Variants in MAEL observed in about 807,000 individuals in gnomAD.
The protein encoded by MAEL is protein maelstrom homolog.
A neutral mutation model predicts 62.0 loss-of-function variants in MAEL; 46 were observed. The observed-to-expected ratio is 0.74, with a 90% CI of 0.59 to 0.95. The LOEUF (loss-of-function observed/expected upper bound fraction) is 0.95. Among genes scored for constraint, MAEL ranks in the 40% least tolerant of loss-of-function variants. The pLI is 0.00. For missense variants in MAEL, 497 were observed against 526.8 expected (o/e 0.94, Z 0.55); for synonymous variants, 172 against 175.5 (o/e 0.98, Z 0.16).
chr1:167,005,231 G>A, intron 7 of MAEL, 25 bp from the exon 8 acceptor site: 1 of 1,611,794 alleles, frequency 6.2e-7, no homozygotes, highest in African/African-American at 1.3e-5. Context: ...CTAATTGTAT[G>A]TGTTTTTCCA....
At chr1:166,987,947 C>G (rs1250689113), upstream of MAEL, among the ~76,000 whole-genome samples, 1 of 152,060 alleles carries the variant, frequency 6.6e-6, no homozygotes, top group African/African-American at 2.4e-5. Flanking sequence ...TCAAGGAAGC[C>G]AAAATTCTAT....
At chr1:167,005,523 C>G in intron 8 of MAEL, 126 bp downstream of exon 8, 1 of 796,754 alleles carries the variant, frequency 1.3e-6, no homozygotes, top group Non-Finnish European at 1.9e-6. Context: ...TTGTATTTCC[C>G]TGAATATAAA....
chr1:167,007,277 G>C (rs1004276224), intron 8 of MAEL, among the ~76,000 whole-genome samples: 2 of 151,878 alleles, frequency 1.3e-5, no homozygotes, highest in Non-Finnish European at 2.9e-5. Context: ...ATGGCCAGTG[G>C]GAGTACCTTC....
intron 8 of MAEL, among the ~76,000 whole-genome samples, chr1:167,009,264 G>A (rs145594787): frequency 1.3e-5 from 2 of 152,270 alleles, no homozygotes; most frequent in Non-Finnish European, 2.9e-5. Flanking sequence ...AGGGGCTCAT[G>A]GAAGAGTATT....
At chr1:167,001,404 C>G (rs1200443268) in intron 5 of MAEL, among the ~76,000 whole-genome samples, 1 of 152,120 alleles carries the variant, frequency 6.6e-6, no homozygotes, top group East Asian at 1.9e-4. Flanking sequence ...CCCCAAAAAC[C>G]TACGGAAATA....
chr1:166,976,005 C>T (rs1663567458), intron 1 of MAEL, among the ~76,000 whole-genome samples: 1 of 152,198 alleles, frequency 6.6e-6, no homozygotes, highest in Admixed American at 6.5e-5. Context: ...CCCGCCCCTC[C>T]GTCTGGTTTC....
intron 8 of MAEL, chr1:167,005,665 T>A (rs1664863277): frequency 4.0e-6 from 1 of 247,892 alleles, no homozygotes; most frequent in South Asian, 1.4e-4. Context: ...TTAGACAGAT[T>A]TTTATTACAT....
intron 6 of MAEL, 21 bp downstream of exon 6, chr1:167,004,325 TC>T (rs1424393184): frequency 6.4e-7 from 1 of 1,567,354 alleles, no homozygotes; most frequent in Non-Finnish European, 8.6e-7. Context: ...GTTAAGAAGT[TC>T]TTTTAAGGTA....
At chr1:166,982,164 T>C (rs1257066521) in intron 1 of MAEL, among the ~76,000 whole-genome samples, 2 of 152,218 alleles carry the variant, frequency 1.3e-5, no homozygotes, top group African/African-American at 2.4e-5. Context: ...ACTAAAGATC[T>C]GAGAGCACAT....
chr1:167,005,004 T>C, intron 6 of MAEL, 72 bp from the exon 7 acceptor site: 8 of 1,449,064 alleles, frequency 5.5e-6, no homozygotes, highest in Non-Finnish European at 7.6e-6. Flanking sequence ...AGGACAGCAT[T>C]AGAAGTCATT....
intron 8 of MAEL, among the ~76,000 whole-genome samples, chr1:167,014,250 G>T (rs189470999): frequency 1.8e-4 from 28 of 152,324 alleles, no homozygotes; most frequent in Admixed American, 1.6e-3. Context: ...ATTTGTGCAG[G>T]TGTTTAATTC....
intron 1 of MAEL, among the ~76,000 whole-genome samples, chr1:166,980,015 GTCTT>G (rs534651134): frequency 1.8e-4 from 27 of 151,998 alleles, no homozygotes; most frequent in Admixed American, 3.9e-4. Context: ...CTTTATAATT[GTCTT>G]TCTTTCTTTC....
chr1:167,011,133 A>G (rs1054993761), intron 8 of MAEL, among the ~76,000 whole-genome samples: 3 of 151,974 alleles, frequency 2.0e-5, no homozygotes, highest in Admixed American at 6.6e-5. Context: ...GGGCTTCCTC[A>G]TTGTAAGAAT....
intron 5 of MAEL, among the ~76,000 whole-genome samples, chr1:166,998,284 G>A (rs190358195): frequency 3.3e-5 from 5 of 151,978 alleles, no homozygotes; most frequent in Admixed American, 1.3e-4. Context: ...TTTTAGATCC[G>A]TAATATCTTT....
upstream of MAEL, among the ~76,000 whole-genome samples, chr1:166,988,322 C>G (rs1663990652): frequency 6.8e-6 from 1 of 146,612 alleles, no homozygotes; most frequent in African/African-American, 2.5e-5. Flanking sequence ...TGCACTCCAG[C>G]CTGGGTGACA....
intron 8 of MAEL, 96 bp downstream of exon 8, chr1:167,005,493 C>G: frequency 9.8e-7 from 1 of 1,015,340 alleles, no homozygotes; most frequent in South Asian, 1.8e-5. Flanking sequence ...GCAATATTTT[C>G]CCATGAAAGC....
chr1:167,017,802 A>G (rs1224647457), intron 9 of MAEL, 25 bp from the exon 10 acceptor site: 5 of 1,582,926 alleles, frequency 3.2e-6, no homozygotes, highest in South Asian at 1.2e-5. Context: ...AGATTCTGAT[A>G]GTGAGATTTT....
Position 166,989,477 on chromosome 1 carries a change from A to G in MAEL, c.125A>G (p.Asp42Gly), listed in dbSNP as rs1409726013. 6.3e-7 allele frequency: 1 copy of G among 1,584,376 alleles called. No homozygotes were observed. The highest frequency in any genetic ancestry group is 1.2e-5 in the South Asian group (1 of 86,790). The change falls in exon 1 of 12, where the codon GAC becomes GGC. Residue 42 changes from aspartate (D) to glycine (G), a missense_variant. By Grantham distance (94) the Asp-to-Gly change is moderately conservative. Transcript: ENST00000367872. ...GATGCCATCCCTTACTGCTCCTCAG[A>G]CTGGGCGGTAAGGCTGGAGCGGAGT... ...VADAIPYCSS[D>G]WALLREEEKE...
intron 6 of MAEL, among the ~76,000 whole-genome samples, chr1:167,004,751 C>T (rs946720025): frequency 8.5e-5 from 13 of 152,108 alleles, no homozygotes; most frequent in Admixed American, 7.2e-4. Context: ...TTTAACCTTG[C>T]TACTTAGTAT....
Sources: allele counts gnomAD v4.1 joint callset (sites outside exome capture counted in the v4.1 genomes callset), GRCh38; gene constraint gnomAD v4.1.1; transcripts MANE v1.5; gene names NCBI Gene and HGNC (gene_info 2026-07-23, HGNC 2026-07-21).